PTX3: variants seen among roughly 807,000 people sequenced by gnomAD.
PTX3 encodes the protein pentraxin 3.
Under a neutral mutation model 23.5 loss-of-function variants are expected in PTX3, and 24 were observed. That is an observed-to-expected ratio of 1.02 (90% CI 0.74 to 1.43). The LOEUF is 1.43. Ranked by LOEUF, PTX3 falls within the 40% of genes most tolerant of loss-of-function variation. The pLI, the probability that PTX3 is intolerant of heterozygous loss-of-function variation, is 0.00. For missense variants in PTX3, 510 were observed against 497.5 expected, an observed-to-expected ratio of 1.02 and a Z score of -0.24; for synonymous variants, 218 against 205.4, an observed-to-expected ratio of 1.06 and a Z score of -0.53.
intron 2 of PTX3, 56 bp downstream of exon 2, chr3:157,437,970 C>G (rs998362096): frequency 2.0e-6 from 3 of 1,506,912 alleles, no homozygotes; most frequent in African/African-American, 1.4e-5. Context: ...CGGGAGCGCG[C>G]GTAACGGCAA....
chr3:157,443,145 T>C lies in PTX3; in HGVS notation c.*166T>C, dbSNP rs559209370. ...ACTGGCCAAATACTGAATAAACAGT[T>C]GAAGGAAAGACATTGGAAAAAGCTT... is the stretch of plus-strand genomic sequence containing the variant. On this transcript the variant is annotated 3_prime_UTR_variant, in exon 3 of 3. Coordinates refer to ENST00000295927, the MANE Select transcript of PTX3 (RefSeq NM_002852.4). 7.6e-6 allele frequency: 6 copies of C among 786,542 alleles called. No individual in the cohort carries two copies. In the African/African-American group the frequency reaches 8.6e-5, roughly 11 times the overall value. The allele number at this position is 786,542 out of a possible 1,614,324, so 48.7% of individuals were successfully genotyped here.
At position 157,442,670 on chromosome 3, in the gene PTX3, G is replaced by T. The variant is rs1734222912; in HGVS notation, c.837G>T (p.Gly279=). 1.2e-6 allele frequency: 2 copies of T among 1,614,226 alleles called. No individual in the cohort carries two copies. The highest frequency in any genetic ancestry group is 2.2e-5 in the East Asian group (1 of 44,890). The stretch of plus-strand genomic sequence containing the variant: ...GCGGCACCTGGAATTCAGAGGAAGG[G>T]CTCACATCCTTGTGGGTAAATGGTG... ...HLCGTWNSEE[G]LTSLWVNGEL... The change falls in exon 3 of 3, where the codon GGG becomes GGT. Residue 279 remains glycine, a synonymous_variant. Transcript: ENST00000295927.
At position 157,438,020 on chromosome 3, in the gene PTX3, AGCGCGC is replaced by A. The variant is rs113324549; in HGVS notation, c.532+119_532+124del. The A allele has an allele frequency of 1.2e-3, 996 of 836,836 alleles. 17 individuals are homozygous for A. The African/African-American group carries it at 0.017, about 14-fold the overall frequency. The allele number at this position is 836,836 out of a possible 1,614,324, so 51.8% of individuals were successfully genotyped here. A position where few individuals can be genotyped will look rare whatever the true frequency, so the allele number is the denominator to read the frequency against. ...CCTTCTAGGGGAAGCTTTCATGGGA[AGCGCGC>A]GCGCGCGCGCGCACACACACACACA... On this transcript the variant is annotated intron_variant, in intron 2 of 2. Transcript: ENST00000295927.
chr3:157,439,599 C>G (rs573226493), intron 2 of PTX3, among the ~76,000 whole-genome samples: 1 of 152,268 alleles, frequency 6.6e-6, no homozygotes, highest in South Asian at 2.1e-4. Flanking sequence ...CGGTTCCAGT[C>G]CATGAACTTA....
At chr3:157,442,036 A>T (rs571713943) in intron 2 of PTX3, among the ~76,000 whole-genome samples, 60 of 152,058 alleles carry the variant, frequency 3.9e-4, no homozygotes, top group South Asian at 1.0e-3. Flanking sequence ...CAACTTTTTT[A>T]AAAAAAAGCA....
chr3:157,442,646 C>T lies in PTX3; in HGVS notation c.813C>T (p.Cys271=), dbSNP rs144589446. 7.1e-5 allele frequency: 114 copies of T among 1,614,140 alleles called. No individual in the cohort carries two copies. The African/African-American group carries it at 1.1e-3, about 16-fold the overall frequency. Residue 271 remains cysteine, a synonymous_variant, in exon 3 of 3, where the codon TGC becomes TGT. Coordinates refer to ENST00000295927, the MANE Select transcript of PTX3 (RefSeq NM_002852.4). Reference sequence around the variant, plus strand: ...CCCTGGGAAGGTGGACCCACCTGTGCGGCACCTGGAATTCAGAGGAAGGGC... The same window carrying T: ...CCCTGGGAAGGTGGACCCACCTGTGTGGCACCTGGAATTCAGAGGAAGGGC... The part of the protein sequence containing the change: ...MVSLGRWTHL[C]GTWNSEEGLT...
chr3:157,437,747 A>T lies in PTX3; in HGVS notation c.365A>T (p.Gln122Leu). ...ACCAGTGCTCTGGACGAGCTGCTGC[A>T]GGCGACCCGCGACGCGGGCCGCAGG... is the stretch of plus-strand genomic sequence containing the variant. ...RLTSALDELL[Q>L]ATRDAGRRLA... The change falls in exon 2 of 3, where the codon CAG (glutamine) becomes CTG (leucine). Residue 122 changes from glutamine to leucine, a missense_variant. Transcript: ENST00000295927. 1.3e-6 allele frequency: 2 copies of T among 1,493,618 alleles called. No homozygotes were observed. The highest frequency in any genetic ancestry group is 1.5e-5 in the African/African-American group (1 of 68,244). The allele number at this position is 1,493,618 out of a possible 1,614,324, so 92.5% of individuals were successfully genotyped here. A position where few individuals can be genotyped will look rare whatever the true frequency, so the allele number is the denominator to read the frequency against.
In PTX3 at chr3:157,438,029, G is replaced by GCACA. The variant is rs1242214371; in HGVS notation, c.532+116_532+117insACAC. 5.9e-6 allele frequency: 5 copies of GCACA among 844,878 alleles called. No homozygotes were observed. The African/African-American group carries it at 8.6e-5, about 15-fold the overall frequency. The allele number at this position is 844,878 out of a possible 1,614,324, so 52.3% of individuals were successfully genotyped here. ...GGAAGCTTTCATGGGAAGCGCGCGC[G>GCACA]CGCGCGCGCACACACACACACACAC... is the stretch of plus-strand genomic sequence containing the variant. On this transcript the variant is annotated intron_variant, in intron 2 of 2. Transcript: ENST00000295927.
intron 2 of PTX3, among the ~76,000 whole-genome samples, chr3:157,438,419 C>G (rs1733845671): frequency 6.6e-6 from 1 of 152,150 alleles, no homozygotes; most frequent in Non-Finnish European, 1.5e-5. Context: ...AGCCCCTCAG[C>G]CGGCCCCTCC....
chr3:157,442,781 C>T lies in PTX3; in HGVS notation c.948C>T (p.Gly316=), dbSNP rs373914748. The T allele has an allele frequency of 1.1e-4, 173 of 1,614,222 alleles. 1 individual carries two copies. In the South Asian group the frequency reaches 1.3e-3, roughly 12 times the overall value. Residue 316 remains glycine, a synonymous_variant, in exon 3 of 3, where the codon GGC becomes GGT. Transcript: ENST00000295927. The part of the protein sequence containing the change: ...GILQIGQEKN[G]CCVGGGFDET... Reference sequence around the variant, plus strand: ...TGCAGATTGGCCAAGAAAAGAATGGCTGCTGTGTGGGTGGTGGCTTTGATG... The same window carrying T: ...TGCAGATTGGCCAAGAAAAGAATGGTTGCTGTGTGGGTGGTGGCTTTGATG...
intron 2 of PTX3, among the ~76,000 whole-genome samples, chr3:157,440,053 A>G (rs1734001204): frequency 6.6e-6 from 1 of 152,094 alleles, no homozygotes; most frequent in African/African-American, 2.4e-5. Context: ...ACTTTATTGA[A>G]ACTTTATAGA....
At chr3:157,439,972 G>A (rs1577664017) in intron 2 of PTX3, among the ~76,000 whole-genome samples, 1 of 152,046 alleles carries the variant, frequency 6.6e-6, no homozygotes, top group African/African-American at 2.4e-5. Context: ...GGATGGTCTC[G>A]ATCTCCTGAC....
intron 2 of PTX3, among the ~76,000 whole-genome samples, chr3:157,439,161 CT>C (rs1733912557): frequency 6.6e-6 from 1 of 152,270 alleles, no homozygotes; most frequent in African/African-American, 2.4e-5. Context: ...AATTAGAATT[CT>C]GCAGCCATTT....
At position 157,443,079 on chromosome 3, in the gene PTX3, G is replaced by C; in HGVS notation, c.*100G>C. ...AACTCAGTGCATAATAGGAACACTT[G>C]AGACTAATGAAAGAGAGAGTTGAGA... On this transcript the variant is annotated 3_prime_UTR_variant, in exon 3 of 3. Transcript: ENST00000295927. 3.0e-6 allele frequency: 4 copies of C among 1,352,294 alleles called. No homozygotes were observed. Among genetic ancestry groups the C allele is most frequent in the South Asian group, 3.0e-5 (2 of 66,794 alleles). 83.8% of individuals were successfully genotyped at this position (1,352,294 alleles called of 1,614,324 possible).
chr3:157,438,571 G>C (rs1195437139), intron 2 of PTX3, among the ~76,000 whole-genome samples: 2 of 152,120 alleles, frequency 1.3e-5, no homozygotes, highest in Non-Finnish European at 2.9e-5. Flanking sequence ...TGCGGTTTGG[G>C]ATTCAGCGTG....
intron 2 of PTX3, 118 bp downstream of exon 2, chr3:157,438,032 C>T: frequency 1.2e-6 from 1 of 802,626 alleles, no homozygotes; most frequent in African/African-American, 2.2e-5. Context: ...CGCGCGCGCG[C>T]GCGCGCACAC....
In PTX3 at chr3:157,443,062, G is replaced by T. The variant is rs1734266424; in HGVS notation, c.*83G>T. On this transcript the variant is annotated 3_prime_UTR_variant, in exon 3 of 3. Transcript: ENST00000295927. ...AGTTGGGAAGGTCTGAAAACTCAGTGCATAATAGGAACACTTGAGACTAAT... is the reference window on the plus strand; with the variant it reads ...AGTTGGGAAGGTCTGAAAACTCAGTTCATAATAGGAACACTTGAGACTAAT... 5.5e-6 allele frequency: 8 copies of T among 1,464,748 alleles called. No homozygotes were observed. Among genetic ancestry groups the T allele is most frequent in the Non-Finnish European group, 7.3e-6 (8 of 1,090,728 alleles). 90.7% of individuals were successfully genotyped at this position (1,464,748 alleles called of 1,614,324 possible).
intron 2 of PTX3, among the ~76,000 whole-genome samples, chr3:157,438,506 G>GT (rs1021350307): frequency 6.6e-6 from 1 of 152,160 alleles, no homozygotes; most frequent in African/African-American, 2.4e-5. Flanking sequence ...TTCTTCAGGG[G>GT]TCCCCCAGCC....
At position 157,442,894 on chromosome 3, in the gene PTX3, C is replaced by T. The variant is rs759525316; in HGVS notation, c.1061C>T (p.Ala354Val). Residue 354 changes from alanine (A) to valine (V), a missense_variant, in exon 3 of 3, where the codon GCA becomes GTA. Coordinates refer to ENST00000295927, the MANE Select transcript of PTX3 (RefSeq NM_002852.4). The part of the protein sequence containing the change: ...SNEEIRETGG[A>V]ESCHIRGNIV... Reference sequence around the variant, plus strand: ...GAAGAGATAAGAGAGACCGGAGGAGCAGAGTCTTGTCACATCCGGGGGAAT... The same window carrying T: ...GAAGAGATAAGAGAGACCGGAGGAGTAGAGTCTTGTCACATCCGGGGGAAT... The T allele has an allele frequency of 6.2e-7, 1 of 1,614,030 alleles. No homozygotes were observed. The highest frequency in any genetic ancestry group is 8.5e-7 in the Non-Finnish European group (1 of 1,180,034).
Sources: gnomAD v4.1 joint callset for allele counts (sites outside exome capture counted in the v4.1 genomes callset) on GRCh38, gnomAD v4.1.1 for gene constraint, MANE v1.5 for transcripts, NCBI Gene and HGNC (gene_info 2026-07-23, HGNC 2026-07-21) for gene names.